Variants in PLCB2 observed in about 807,000 individuals in gnomAD.
The protein encoded by PLCB2 is 1-phosphatidylinositol 4,5-bisphosphate phosphodiesterase beta-2.
Under a neutral mutation model 141.7 loss-of-function variants are expected in PLCB2, and 115 were observed. That is an observed-to-expected ratio of 0.81 (90% confidence interval 0.70 to 0.95). The LOEUF (loss-of-function observed/expected upper bound fraction) is 0.95. Among genes scored for constraint, PLCB2 ranks in the 40% least tolerant of loss-of-function variants. PLCB2 has a pLI of 0.00. For synonymous variants in PLCB2, 603 were observed against 595.6 expected (o/e 1.01, Z -0.18); for missense variants, 1,403 against 1,541.1 (o/e 0.91, Z 1.50).
At chr15:40,289,562 C>T in intron 30 of PLCB2, 2 of 590,890 alleles carry the variant, frequency 3.4e-6, no homozygotes, top group Non-Finnish European at 6.0e-6. Flanking sequence ...ATGTGAGGCA[C>T]CTGGCAGAGT....
At position 40,297,665 on chromosome 15, in the gene PLCB2, C is replaced by T. The variant is rs528464717; in HGVS notation, c.1239-60G>A. ...GCTCAGCACCAACCCTATTATGCAT[C>T]CTTTTGTGCCCTTGATGACCCAGAT... On this transcript the variant is annotated intron_variant, in intron 12 of 31. Transcript: ENST00000260402. The surrounding 1 kb of genome is among the most constrained non-coding windows in gnomAD (Gnocchi z 4.2). 7 of 1,391,916 alleles carry T rather than the reference C, an allele frequency of 5.0e-6. No homozygotes were observed. Among genetic ancestry groups the T allele is most frequent in the South Asian group, 1.2e-5 (1 of 83,936 alleles). 86.2% of individuals were successfully genotyped at this position (1,391,916 alleles called of 1,614,324 possible).
intron 1 of PLCB2, among the ~76,000 whole-genome samples, chr15:40,305,720 A>T (rs1352033062): frequency 3.3e-5 from 5 of 152,220 alleles, no homozygotes; most frequent in Non-Finnish European, 5.9e-5. Flanking sequence ...TCCTCCAGAG[A>T]AAGAATCAGC....
At chr15:40,287,140 T>A (rs899757054), downstream of PLCB2, among the ~76,000 whole-genome samples, 6 of 152,084 alleles carry the variant, frequency 3.9e-5, no homozygotes, top group Non-Finnish European at 8.8e-5. Flanking sequence ...GTATAGGTGG[T>A]CTGCCCCAGC....
chr15:40,288,005 C>T lies in PLCB2; in HGVS notation c.*710G>A. The stretch of plus-strand genomic sequence containing the variant: ...AATGATGCTGACCTTGTCAGGCAGG[C>T]AGCCTGAGAGGGGTACATGGTAGGA... On this transcript the variant is annotated 3_prime_UTR_variant, in exon 32 of 32. Transcript: ENST00000260402. The T allele has an allele frequency of 2.0e-6, 2 of 985,170 alleles. No individual in the cohort carries two copies. The highest frequency in any genetic ancestry group is 2.4e-6 in the Non-Finnish European group (2 of 829,686). 61.0% of individuals were successfully genotyped at this position (985,170 alleles called of 1,614,324 possible). A position where few individuals can be genotyped will look rare whatever the true frequency, so the allele number is the denominator to read the frequency against.
rs376709624 is a variant in PLCB2, at chr15:40,296,780, G to T, written c.1452C>A (p.Ser484Arg). ...CACCTGCAGGGGCACTGGGTGGGCT[G>T]CTGCCCTCAGCCTCCCCACCAGTAT... ...SKDTGGEAEG[S>R]SPPSAPAGEG... The change falls in exon 14 of 32, where the codon AGC becomes AGA. Residue 484 changes from serine (S) to arginine (R), a missense_variant. Ser to Arg is a moderately radical substitution (Grantham distance 110). Transcript: ENST00000260402. 6.2e-7 allele frequency: 1 copy of T among 1,613,936 alleles called. No individual in the cohort carries two copies. Among genetic ancestry groups the T allele is most frequent in the African/African-American group, 1.3e-5 (1 of 75,028 alleles).
At chr15:40,307,452 G>A in intron 1 of PLCB2, 137 bp downstream of exon 1, 1 of 524,300 alleles carries the variant, frequency 1.9e-6, no homozygotes, top group Admixed American at 3.7e-5. Context: ...AAGCAGTGGT[G>A]TCAGCTGCCT....
At position 40,291,398 on chromosome 15, in the gene PLCB2, C is replaced by A. The variant is rs1465298714; in HGVS notation, c.2737G>T (p.Glu913Ter). The A allele has an allele frequency of 2.0e-6, 3 of 1,535,828 alleles. No homozygotes were observed. Among genetic ancestry groups the A allele is most frequent in the Non-Finnish European group, 2.6e-6 (3 of 1,146,434 alleles). ...TCCCAGCGCCGCGCTCCGCGCCGCT[C>A]CAACTCTCGCAGCTCCTTCTCGTGC... ...RRHEKELREL[E>*]RRGARRWEEL... The change falls in exon 26 of 32, where the codon GAG becomes TAG. Residue 913 changes from glutamate (E) to a stop codon, truncating the protein, a stop_gained. Transcript: ENST00000260402. LOFTEE classifies it high-confidence loss of function.
Position 40,288,767 on chromosome 15 carries a change from C to CA in PLCB2, c.3505dup (p.Cys1169LeufsTer2). 1.9e-6 allele frequency: 3 copies of CA among 1,612,966 alleles called. No homozygotes were observed. Among genetic ancestry groups the CA allele is most frequent in the Non-Finnish European group, 2.5e-6 (3 of 1,179,048 alleles). ...CTTTGCTATGAGTGGGTCCTGCTCA[C>CA]ACAGCTCTGGGGGGCACTCGCAGGC... On this transcript the variant is annotated frameshift_variant, in exon 32 of 32. Transcript: ENST00000260402. LOFTEE classifies it high-confidence loss of function.
At chr15:40,305,239 T>C (rs2040736857) in intron 1 of PLCB2, among the ~76,000 whole-genome samples, 3 of 152,030 alleles carry the variant, frequency 2.0e-5, no homozygotes, top group South Asian at 4.2e-4. Context: ...GTGGGTTTGT[T>C]ACATAGTATA....
rs947920097 is a variant in PLCB2 at position 40,297,041 on chromosome 15, A to G, written c.1324-133T>C. On this transcript the variant is annotated intron_variant, in intron 13 of 31. Transcript: ENST00000260402. This position sits in a 1 kb window ranked among gnomAD's most constrained non-coding sequence, Gnocchi z 4.2. ...CCTCTCACTACTGCTTATCATCCCC[A>G]TTCTCACTGAGATAAATCCAGCTTA... 1 of 820,658 alleles carries G rather than the reference A, an allele frequency of 1.2e-6. No homozygotes were observed. The highest frequency in any genetic ancestry group is 2.0e-6 in the Non-Finnish European group (1 of 496,746). The allele number at this position is 820,658 out of a possible 1,614,324, so 50.8% of individuals were successfully genotyped here. A position where few individuals can be genotyped will look rare whatever the true frequency, so the allele number is the denominator to read the frequency against.
At chr15:40,287,368 T>A (rs1363215825), downstream of PLCB2, among the ~76,000 whole-genome samples, 1 of 152,092 alleles carries the variant, frequency 6.6e-6, no homozygotes, top group Non-Finnish European at 1.5e-5. Context: ...GTAACTCTAA[T>A]AAGAAAACAA....
rs1237753095 is a variant in PLCB2 at position 40,296,641 on chromosome 15, C to CG, written c.1487-8_1487-7insC. On this transcript the variant is annotated splice_region_variant and splice_polypyrimidine_tract_variant and intron_variant, in intron 14 of 31. Coordinates refer to ENST00000260402, the MANE Select transcript of PLCB2 (RefSeq NM_004573.3). Reference sequence around the variant, plus strand: ...CCTTCCTCGCCAGCCCACACTGCCACATACAGCTCTGTCGGCACTGGCTCC... The same window carrying CG: ...CCTTCCTCGCCAGCCCACACTGCCACGATACAGCTCTGTCGGCACTGGCTCC... The CG allele has an allele frequency of 5.6e-6, 9 of 1,613,036 alleles. No individual in the cohort carries two copies. The highest frequency in any genetic ancestry group is 7.6e-6 in the Non-Finnish European group (9 of 1,179,802).
intron 9 of PLCB2, 40 bp from the exon 10 acceptor site, chr15:40,298,748 GC>G (rs1566884920): frequency 1.2e-6 from 2 of 1,612,128 alleles, no homozygotes; most frequent in South Asian, 2.2e-5. Flanking sequence ...CAACCCCGCT[GC>G]CAAGGCAGGA....
At chr15:40,290,313 A>G (rs547059936) in intron 29 of PLCB2, among the ~76,000 whole-genome samples, 4 of 152,150 alleles carry the variant, frequency 2.6e-5, no homozygotes, top group Non-Finnish European at 5.9e-5. Flanking sequence ...AAACAGTGCC[A>G]CCACAGTGGA....
intron 21 of PLCB2, 68 bp from the exon 22 acceptor site, chr15:40,292,511 T>G: frequency 8.9e-7 from 1 of 1,117,718 alleles, no homozygotes; most frequent in African/African-American, 1.5e-5. Flanking sequence ...ACACACAGCC[T>G]AGGACCCAAG....
chr15:40,297,484 C>T lies in PLCB2; in HGVS notation c.1323+37G>A, dbSNP rs774381634. 10 of 1,531,896 alleles carry T rather than the reference C, an allele frequency of 6.5e-6. No homozygotes were observed. The highest frequency in any genetic ancestry group is 1.1e-5 in the South Asian group (1 of 89,400). The allele number at this position is 1,531,896 out of a possible 1,614,324, so 94.9% of individuals were successfully genotyped here. On this transcript the variant is annotated intron_variant, in intron 13 of 31. Coordinates refer to ENST00000260402, the MANE Select transcript of PLCB2 (RefSeq NM_004573.3). This position sits in a 1 kb window ranked among gnomAD's most constrained non-coding sequence, Gnocchi z 4.2. The stretch of plus-strand genomic sequence containing the variant: ...TCTCACCCTGCCCCAGGTTCCCAGG[C>T]CCAAGGCTCAAATGTCCCACAGCGA...
At chr15:40,287,272 C>A (rs2039626543), downstream of PLCB2, among the ~76,000 whole-genome samples, 1 of 152,176 alleles carries the variant, frequency 6.6e-6, no homozygotes, top group Non-Finnish European at 1.5e-5. Flanking sequence ...AGGTCAGACT[C>A]CCAGAGGGAT....
chr15:40,288,871 CA>C lies in PLCB2; in HGVS notation c.3401del (p.Leu1134ArgfsTer5). ...LAEYEARMKG[L>X]EAEVKESVRA... is the part of the protein sequence containing the mutation. ...TCACCGACTCCTTCACCTCTGCCTC[CA>C]GACCCTTCATCCTGGCCTCGTACTC... is the stretch of plus-strand genomic sequence containing the variant. On this transcript the variant is annotated frameshift_variant, in exon 32 of 32. Transcript: ENST00000260402. LOFTEE classifies it low-confidence loss of function (END_TRUNC). 6.2e-7 allele frequency: 1 copy of C among 1,614,050 alleles called. No individual in the cohort carries two copies.
downstream of PLCB2, among the ~76,000 whole-genome samples, chr15:40,285,076 C>T (rs1017131804): frequency 3.3e-5 from 5 of 152,140 alleles, no homozygotes; most frequent in African/African-American, 7.2e-5. Context: ...AAAGTGGGCT[C>T]ATGGCCCTGC....
Sources: allele counts gnomAD v4.1 joint callset (sites outside exome capture counted in the v4.1 genomes callset), GRCh38; gene constraint gnomAD v4.1.1; non-coding constraint Gnocchi (gnomAD v3.1); transcripts MANE v1.5; gene names NCBI Gene and HGNC (gene_info 2026-07-23, HGNC 2026-07-21).